TMEM268: variants seen among roughly 807,000 people sequenced by gnomAD.
The protein encoded by TMEM268 is transmembrane protein C9orf91.
TMEM268 carries 24 observed loss-of-function variants against 39.1 expected under a neutral mutation model. The observed-to-expected ratio is 0.61, with a 90% CI of 0.44 to 0.86. The LOEUF is 0.86. Among genes scored for constraint, TMEM268 ranks in the 40% least tolerant of loss-of-function variants. The pLI, the probability that TMEM268 is intolerant of heterozygous loss-of-function variation, is 0.00. For synonymous variants in TMEM268, 176 were observed against 173.5 expected (o/e 1.01, Z -0.12); for missense variants, 409 against 428.6 (o/e 0.95, Z 0.40).
upstream of TMEM268, among the ~76,000 whole-genome samples, chr9:114,609,464 T>TCTC (rs541933366): frequency 6.7e-6 from 1 of 149,884 alleles, no homozygotes; most frequent in African/African-American, 2.5e-5. Flanking sequence ...AGTGTAGGAG[T>TCTC]TTGAGACTAG....
At chr9:114,642,377 A>G (rs565077396) in intron 8 of TMEM268, among the ~76,000 whole-genome samples, 27 of 151,588 alleles carry the variant, frequency 1.8e-4, no homozygotes, top group African/African-American at 6.3e-4. Flanking sequence ...TTTTACTGTC[A>G]GTGATCATAT....
upstream of TMEM268, among the ~76,000 whole-genome samples, chr9:114,606,595 CATAAT>C (rs988870140): frequency 3.9e-4 from 60 of 152,224 alleles, no homozygotes; most frequent in Admixed American, 3.7e-3. Context: ...ACTCTATATA[CATAAT>C]CTAATTTTCC....
intron 1 of TMEM268, among the ~76,000 whole-genome samples, chr9:114,616,652 C>T (rs1306336721): frequency 6.6e-6 from 1 of 152,034 alleles, no homozygotes; most frequent in African/African-American, 2.4e-5. Context: ...AGGCGTGAGC[C>T]ACCGTGCCTG....
chr9:114,640,469 T>C (rs918350082), intron 8 of TMEM268, among the ~76,000 whole-genome samples: 4 of 152,204 alleles, frequency 2.6e-5, no homozygotes, highest in African/African-American at 9.7e-5. Context: ...TTCATTAGCA[T>C]ACTCTTCGAG....
chr9:114,633,947 C>G lies in TMEM268; in HGVS notation c.585+69C>G. ...TGTTGGGCTAATGGAGAGCAGTGGCCTCATGTTCTCCCAGCCTACACAGTG... is the reference window on the plus strand; with the variant it reads ...TGTTGGGCTAATGGAGAGCAGTGGCGTCATGTTCTCCCAGCCTACACAGTG... On this transcript the variant is annotated intron_variant, in intron 6 of 8. Transcript: ENST00000288502. 9.3e-6 allele frequency: 8 copies of G among 861,538 alleles called. No homozygotes were observed. In the South Asian group the frequency reaches 1.2e-4, roughly 13 times the overall value. 53.4% of individuals were successfully genotyped at this position (861,538 alleles called of 1,614,324 possible).
At chr9:114,625,641 C>G (rs1484342371) in intron 3 of TMEM268, among the ~76,000 whole-genome samples, 1 of 151,716 alleles carries the variant, frequency 6.6e-6, no homozygotes. Flanking sequence ...CGGGGTTTCA[C>G]CATGTTGGCC....
rs1211504173 is a variant in TMEM268 at position 114,611,472 on chromosome 9, T to C, written c.-171T>C. ...GCGGGAGGCGTGCTGGGCGCGGGGC[T>C]GCGGTGCCCAGAGGCTGCGGCATTA... On this transcript the variant is annotated 5_prime_UTR_variant, in exon 1 of 9. Coordinates refer to ENST00000288502, the MANE Select transcript of TMEM268 (RefSeq NM_153045.4). 3.3e-5 allele frequency: 5 copies of C among 151,612 alleles called. No individual in the cohort carries two copies. Among genetic ancestry groups the C allele is most frequent in the African/African-American group, 9.8e-5 (4 of 40,950 alleles). The allele number at this position is 151,612 out of a possible 1,614,324, so 9.4% of individuals were successfully genotyped here.
rs567895113 is a variant in TMEM268 at position 114,616,345 on chromosome 9, TTTTG to T, written c.-78-757_-78-754del. ...TTCATTTATATTTCCTACCATCTGA[TTTTG>T]TTTGTTTGTTTGTTTTTGTTTTTGT... On this transcript the variant is annotated intron_variant, in intron 1 of 8. Transcript: ENST00000288502. Among the ~76,000 whole-genome samples, 139 of 145,450 alleles carry T rather than the reference TTTTG, an allele frequency of 9.6e-4. 1 individual carries two copies. The highest frequency in any genetic ancestry group is 3.0e-3 in the African/African-American group (119 of 39,750).
At chr9:114,628,055 C>T (rs16930411) in intron 4 of TMEM268, 46 bp from the exon 5 acceptor site, 24,330 of 1,603,770 alleles carry the variant, frequency 0.015, 1,668 homozygotes, top group Admixed American at 0.14. Context: ...CTGCTTTATG[C>T]AAGGACTGAA....
At chr9:114,616,219 G>A (rs1589327888) in intron 1 of TMEM268, among the ~76,000 whole-genome samples, 1 of 151,012 alleles carries the variant, frequency 6.6e-6, no homozygotes, top group African/African-American at 2.4e-5. Context: ...GTTTCCCCAT[G>A]TTAGCCAGGA....
chr9:114,640,448 C>G (rs1404683783), intron 8 of TMEM268, among the ~76,000 whole-genome samples: 1 of 152,186 alleles, frequency 6.6e-6, no homozygotes, highest in East Asian at 1.9e-4. Flanking sequence ...AGATTTTTCT[C>G]ATGCATAAAA....
chr9:114,609,730 A>T, upstream of TMEM268, among the ~76,000 whole-genome samples: 1 of 106,012 alleles, frequency 9.4e-6, no homozygotes, highest in Non-Finnish European at 1.8e-5. Context: ...AAAAAGAAAA[A>T]GAAGGAAGGA....
At chr9:114,630,644 C>G (rs1196925371) in intron 5 of TMEM268, among the ~76,000 whole-genome samples, 2 of 152,112 alleles carry the variant, frequency 1.3e-5, no homozygotes, top group Admixed American at 1.3e-4. Flanking sequence ...ATTGTAGCTC[C>G]CTCATAGGGT....
intron 2 of TMEM268, among the ~76,000 whole-genome samples, chr9:114,623,094 A>T (rs76946147): frequency 6.6e-6 from 1 of 151,636 alleles, no homozygotes; most frequent in Non-Finnish European, 1.5e-5. Flanking sequence ...TGTCTCCAAA[A>T]AACAACAACA....
intron 4 of TMEM268, among the ~76,000 whole-genome samples, 192 bp downstream of exon 4, chr9:114,627,198 C>A (rs1536737): frequency 2.0e-5 from 3 of 152,078 alleles, no homozygotes; most frequent in Non-Finnish European, 4.4e-5. Context: ...GAGTTGTAAC[C>A]AGGTCGTTGC....
intron 8 of TMEM268, among the ~76,000 whole-genome samples, chr9:114,640,682 A>G (rs904678246): frequency 6.6e-6 from 1 of 152,234 alleles, no homozygotes; most frequent in African/African-American, 2.4e-5. Flanking sequence ...GAGAAGACCA[A>G]TCTGAGTTAG....
At chr9:114,624,770 T>C (rs2133637195) in intron 3 of TMEM268, among the ~76,000 whole-genome samples, 1 of 152,272 alleles carries the variant, frequency 6.6e-6, no homozygotes, top group African/African-American at 2.4e-5. Flanking sequence ...TGGGAGAAAT[T>C]GGGACAGTAT....
At chr9:114,624,133 T>TA (rs1846056294) in intron 2 of TMEM268, 1 of 981,994 alleles carries the variant, frequency 1.0e-6, no homozygotes, top group Admixed American at 3.3e-5. Context: ...ATTGTGGTCC[T>TA]AGGAGCCTCC....
chr9:114,632,800 T>A lies in TMEM268; in HGVS notation c.475-968T>A, dbSNP rs949038257. Among the ~76,000 whole-genome samples the A allele has an allele frequency of 1.8e-4, 27 of 152,268 alleles. 1 individual carries two copies. Among genetic ancestry groups the A allele is most frequent in the African/African-American group, 6.5e-4 (27 of 41,548 alleles). Reference sequence around the variant, plus strand: ...CCTGGGTTAAGTACTTTACACACAATCTCAGTGAAATCTCACTCCATTCCT... The same window carrying A: ...CCTGGGTTAAGTACTTTACACACAAACTCAGTGAAATCTCACTCCATTCCT... On this transcript the variant is annotated intron_variant, in intron 5 of 8. Coordinates refer to ENST00000288502, the MANE Select transcript of TMEM268 (RefSeq NM_153045.4).
Sources: gnomAD v4.1 joint callset for allele counts (sites outside exome capture counted in the v4.1 genomes callset) on GRCh38, gnomAD v4.1.1 for gene constraint, MANE v1.5 for transcripts, NCBI Gene and HGNC (gene_info 2026-07-23, HGNC 2026-07-21) for gene names.